The following CSMD1 variants were observed in gnomAD, a reference collection of about 807,000 sequenced individuals.
The protein encoded by CSMD1 is CUB and Sushi multiple domains 1.
Under a neutral mutation model 417.5 loss-of-function variants are expected in CSMD1, and 213 were observed. That is an observed-to-expected ratio of 0.51 (90% confidence interval 0.46 to 0.57). The LOEUF is 0.57. Among genes scored for constraint, CSMD1 ranks in the 20% least tolerant of loss-of-function variants. CSMD1 has a pLI of 0.00. For missense variants in CSMD1, 6,923 were observed against 4,529.7 expected (o/e 1.53, Z -15.17); for synonymous variants, 2,862 against 1,736.8 (o/e 1.65, Z -16.11).
intron 3 of CSMD1, among the ~76,000 whole-genome samples, chr8:4,171,956 A>G (rs550274986): frequency 6.6e-6 from 1 of 152,288 alleles, no homozygotes; most frequent in African/African-American, 2.4e-5. Flanking sequence ...TCTTTCTTGC[A>G]TAATGTAATA....
intron 5 of CSMD1, among the ~76,000 whole-genome samples, chr8:3,893,656 G>T (rs771189117): frequency 6.6e-6 from 1 of 151,918 alleles, no homozygotes; most frequent in African/African-American, 2.4e-5. Context: ...AGGAGAGGTA[G>T]TCAAGGAAAT....
rs141443972 is a variant in CSMD1, at chr8:3,618,471, GT to G, written c.1010-1675del. On this transcript the variant is annotated intron_variant, in intron 7 of 69. Coordinates refer to ENST00000635120, the MANE Select transcript of CSMD1 (RefSeq NM_033225.6). ...TATTTTTATTTCTTTTTTAAAATAA[GT>G]TTTTTTTAATAACATCTAAACATTA... Among the ~76,000 whole-genome samples the G allele has an allele frequency of 2.2e-4, 33 of 151,696 alleles. No individual in the cohort carries two copies. The South Asian group carries it at 3.1e-3, about 14-fold the overall frequency.
chr8:3,319,931 T>A (rs548463794), intron 23 of CSMD1, among the ~76,000 whole-genome samples: 241 of 152,230 alleles, frequency 1.6e-3, no homozygotes, highest in African/African-American at 5.5e-3. Flanking sequence ...AATGGAGAAA[T>A]AGCAGCTCTG....
At chr8:4,268,424 T>C (rs1257830296) in intron 3 of CSMD1, among the ~76,000 whole-genome samples, 1 of 152,172 alleles carries the variant, frequency 6.6e-6, no homozygotes, top group Non-Finnish European at 1.5e-5. Context: ...TGACCAATTG[T>C]TGTTTATAGC....
At chr8:4,077,085 T>C (rs1585262199) in intron 3 of CSMD1, among the ~76,000 whole-genome samples, 1 of 152,012 alleles carries the variant, frequency 6.6e-6, no homozygotes, top group East Asian at 1.9e-4. Flanking sequence ...TCATAAATGA[T>C]ATATATTTTA....
chr8:3,931,557 G>C (rs753556912), intron 5 of CSMD1, among the ~76,000 whole-genome samples: 3 of 150,134 alleles, frequency 2.0e-5, no homozygotes, highest in Non-Finnish European at 4.4e-5. Flanking sequence ...ACTTCTTGTG[G>C]AGGGAGGTCA....
At chr8:4,738,064 A>G (rs1444711770) in intron 1 of CSMD1, among the ~76,000 whole-genome samples, 2 of 152,212 alleles carry the variant, frequency 1.3e-5, no homozygotes, top group Non-Finnish European at 2.9e-5. Context: ...AAAAACAAAG[A>G]TAAGATTACA....
At chr8:4,120,479 G>C (rs1028849445) in intron 3 of CSMD1, among the ~76,000 whole-genome samples, 2 of 152,058 alleles carry the variant, frequency 1.3e-5, no homozygotes, top group South Asian at 2.1e-4. Context: ...TCACACAAAT[G>C]CTAGAAGAAG....
At chr8:3,094,076 T>A (rs767044857) in intron 47 of CSMD1, among the ~76,000 whole-genome samples, 15 of 100,280 alleles carry the variant, frequency 1.5e-4, no homozygotes, top group Non-Finnish European at 2.7e-4. Flanking sequence ...AAGAGTAGAG[T>A]TTTAGGGTTT....
rs148242827 is a variant in CSMD1 at position 4,003,994 on chromosome 8, T to G, written c.611-5884A>C. ...AAAACATTCAGAGACTCAGAAAATA[T>G]ATGATCAACTAAATAAAATTAAAAT... is the stretch of plus-strand genomic sequence containing the variant. On this transcript the variant is annotated intron_variant, in intron 4 of 69. Transcript: ENST00000635120. 8.2e-3 allele frequency among the ~76,000 whole-genome samples: 1,241 copies of G among 152,242 alleles called. 16 individuals carry two copies. The highest frequency in any genetic ancestry group is 0.028 in the African/African-American group (1,163 of 41,532).
At chr8:3,468,526 C>G (rs1054848591) in intron 12 of CSMD1, among the ~76,000 whole-genome samples, 186 bp downstream of exon 12, 1 of 152,146 alleles carries the variant, frequency 6.6e-6, no homozygotes. Flanking sequence ...GCCGAGTTTT[C>G]AGAAGTTAAA....
chr8:3,298,391 C>T (rs1273343329), intron 25 of CSMD1, among the ~76,000 whole-genome samples: 4 of 152,228 alleles, frequency 2.6e-5, no homozygotes, highest in East Asian at 1.9e-4. Context: ...AAATATCTAA[C>T]GGTATCAATG....
chr8:4,443,067 A>G (rs1368932416), intron 2 of CSMD1, among the ~76,000 whole-genome samples: 3 of 152,222 alleles, frequency 2.0e-5, no homozygotes, highest in Non-Finnish European at 4.4e-5. Context: ...ATTTGAGAAG[A>G]GTCAGAGGTG....
intron 1 of CSMD1, among the ~76,000 whole-genome samples, chr8:4,897,234 C>A (rs1373554396): frequency 6.6e-6 from 1 of 151,986 alleles, no homozygotes; most frequent in Non-Finnish European, 1.5e-5. Flanking sequence ...TTTGTTTCTA[C>A]TGTGTCAAAA....
Position 3,406,017 on chromosome 8 carries a change from G to C in CSMD1, c.2266+10C>G, listed in dbSNP as rs141894770. The C allele has an allele frequency of 6.1e-5, 98 of 1,611,230 alleles. No homozygotes were observed. The East Asian group carries it at 1.8e-3, about 30-fold the overall frequency. On this transcript the variant is annotated intron_variant, in intron 15 of 69. Coordinates refer to ENST00000635120, the MANE Select transcript of CSMD1 (RefSeq NM_033225.6). ...CAAAGGAGAAGAGCGGGGGGTGGCA[G>C]GGACTGCACCTTCACAGCGGGGCAC...
chr8:3,951,452 T>A (rs1323650036), intron 5 of CSMD1, among the ~76,000 whole-genome samples: 1 of 152,224 alleles, frequency 6.6e-6, no homozygotes, highest in Non-Finnish European at 1.5e-5. Context: ...TGTAGAGTGC[T>A]GTATTTTCCT....
At chr8:4,744,117 C>T (rs777298340) in intron 1 of CSMD1, among the ~76,000 whole-genome samples, 6 of 152,172 alleles carry the variant, frequency 3.9e-5, no homozygotes, top group Non-Finnish European at 7.3e-5. Flanking sequence ...AAAGCTAATA[C>T]GCAGAGGTGC....
chr8:4,034,703 A>T (rs1280977172), intron 3 of CSMD1, among the ~76,000 whole-genome samples: 1 of 152,176 alleles, frequency 6.6e-6, no homozygotes, highest in Non-Finnish European at 1.5e-5. Context: ...ACATGTGGAC[A>T]AAAGCTTTTT....
intron 23 of CSMD1, among the ~76,000 whole-genome samples, chr8:3,334,277 A>C (rs1807098998): frequency 6.6e-6 from 1 of 152,152 alleles, no homozygotes; most frequent in Non-Finnish European, 1.5e-5. Flanking sequence ...CTTCACCTTC[A>C]GGTTTGTTTC....
Sources: allele counts gnomAD v4.1 joint callset (sites outside exome capture counted in the v4.1 genomes callset), GRCh38; gene constraint gnomAD v4.1.1; transcripts MANE v1.5; gene names NCBI Gene and HGNC (gene_info 2026-07-23, HGNC 2026-07-21).